The following PRDM15 variants were observed in gnomAD, a reference collection of about 807,000 sequenced individuals.
The protein encoded by PRDM15 is PR domain zinc finger protein 15.
PRDM15 carries 64 observed loss-of-function variants against 128.6 expected under a neutral mutation model. The ratio of observed to expected loss-of-function variants is 0.50; its 90% CI spans 0.41 to 0.61. The LOEUF (loss-of-function observed/expected upper bound fraction) is 0.61. Among genes scored for constraint, PRDM15 ranks in the 20% least tolerant of loss-of-function variants. The pLI, the probability that PRDM15 is intolerant of heterozygous loss-of-function variation, is 0.00. For synonymous variants in PRDM15, 615 were observed against 621.8 expected (o/e 0.99, Z 0.16); for missense variants, 1,242 against 1,569.1 (o/e 0.79, Z 3.52).
chr21:41,871,822 G>A, intron 1 of PRDM15: 1 of 556,444 alleles, frequency 1.8e-6, no homozygotes, highest in Admixed American at 3.3e-5. Context: ...CTCAGGACGT[G>A]CAGACACAGG....
chr21:41,814,686 C>A (rs1416022488), intron 19 of PRDM15: 19 of 123,542 alleles, frequency 1.5e-4, no homozygotes, highest in African/African-American at 5.8e-4. Flanking sequence ...TATGAGAATG[C>A]CTTGTGTTAG....
chr21:41,809,773 T>A (rs775875401), intron 21 of PRDM15, among the ~76,000 whole-genome samples: 28 of 152,202 alleles, frequency 1.8e-4, no homozygotes, highest in Admixed American at 7.9e-4. Flanking sequence ...TGCCTGCGTC[T>A]GTACAACTTC....
chr21:41,825,440 A>G (rs867566190), intron 13 of PRDM15, among the ~76,000 whole-genome samples: 3 of 152,232 alleles, frequency 2.0e-5, no homozygotes, highest in African/African-American at 7.2e-5. Flanking sequence ...GCTCCCATGG[A>G]TGACATCACC....
In PRDM15 at chr21:41,879,045, C is replaced by T. The variant is rs1251938922; in HGVS notation, c.-10+225G>A. 7.1e-6 allele frequency: 8 copies of T among 1,123,328 alleles called. No individual in the cohort carries two copies. The highest frequency in any genetic ancestry group is 8.9e-6 in the Non-Finnish European group (8 of 894,678). The allele number at this position is 1,123,328 out of a possible 1,614,324, so 69.6% of individuals were successfully genotyped here. On this transcript the variant is annotated intron_variant, in intron 1 of 23. Transcript: ENST00000398548. The surrounding 1 kb of genome is among the most constrained non-coding windows in gnomAD (Gnocchi z 5.1). ...CGATCCCGGAGCGGCTCCGGGAAAT[C>T]CAGCCGGGTTTTGACTCCGATCGCC...
At position 41,860,353 on chromosome 21, in the gene PRDM15, T is replaced by C. The variant is rs779300680; in HGVS notation, c.11A>G (p.Asp4Gly). Residue 4 changes from aspartate to glycine, a missense_variant, in exon 2 of 24, where the codon GAT (aspartate) becomes GGT (glycine). This residue lies in a region of PRDM15 where 612 missense variants were observed against 717.0 expected (regional missense o/e 0.85). Coordinates refer to ENST00000398548, the MANE Select transcript of PRDM15 (RefSeq NM_001040424.3). MAE[D>G]GSEEIMFIWC... is the part of the protein sequence containing the mutation. ...GATGAACATGATCTCTTCGCTCCCA[T>C]CTTCAGCCATCTCTGACACCTGTCA... The C allele has an allele frequency of 6.2e-7, 1 of 1,613,982 alleles. No homozygotes were observed. The highest frequency in any genetic ancestry group is 8.5e-7 in the Non-Finnish European group (1 of 1,179,854).
intron 4 of PRDM15, among the ~76,000 whole-genome samples, chr21:41,855,054 G>A (rs752111144): frequency 2.1e-4 from 32 of 152,210 alleles, no homozygotes; most frequent in Non-Finnish European, 3.8e-4. Flanking sequence ...GACACAGCCA[G>A]CGGTCTATGT....
intron 11 of PRDM15, among the ~76,000 whole-genome samples, chr21:41,833,405 G>C (rs145919296): frequency 6.6e-6 from 1 of 152,240 alleles, no homozygotes; most frequent in Non-Finnish European, 1.5e-5. Flanking sequence ...TCTGTGCCCC[G>C]CTGGGGACCC....
intron 11 of PRDM15, chr21:41,834,536 C>T (rs951114682): frequency 6.5e-7 from 1 of 1,548,150 alleles, no homozygotes. Context: ...TGCCGCCGGG[C>T]CCCCCCTCTC....
rs1601730268 is a variant in PRDM15, at chr21:41,804,548, T to C, written c.2719A>G (p.Ile907Val). 1.9e-6 allele frequency: 3 copies of C among 1,568,626 alleles called. No individual in the cohort carries two copies. The highest frequency in any genetic ancestry group is 1.3e-5 in the African/African-American group (1 of 74,330). Residue 907 changes from isoleucine to valine, a missense_variant, in exon 22 of 24, where the codon ATT becomes GTT. Ile to Val is a conservative substitution (Grantham distance 29). Coordinates refer to ENST00000398548, the MANE Select transcript of PRDM15 (RefSeq NM_001040424.3). ...PETTTIDASS[I>V]GIVQPELTLE... is the part of the protein sequence containing the mutation. ...ATGCTGCTCACCTGGACGATGCCAA[T>C]GGAGGAGGCGTCGATGGTGGTGGTC...
intron 1 of PRDM15, among the ~76,000 whole-genome samples, chr21:41,877,036 C>A (rs1473083473): frequency 6.6e-6 from 1 of 152,154 alleles, no homozygotes; most frequent in Non-Finnish European, 1.5e-5. Context: ...CATGGCCACA[C>A]TGGCCTGTCC....
At position 41,850,672 on chromosome 21, in the gene PRDM15, C is replaced by T. The variant is rs2063401269; in HGVS notation, c.539-3481G>A. On this transcript the variant is annotated intron_variant, in intron 5 of 23. Coordinates refer to ENST00000398548, the MANE Select transcript of PRDM15 (RefSeq NM_001040424.3). ...TCACTTGAGCCCACGAGGGCGGCTG[C>T]AGTGAGCCACGATCATGCCACTGCA... Among the ~76,000 whole-genome samples the T allele has an allele frequency of 2.6e-5, 4 of 152,100 alleles. No individual in the cohort carries two copies. In the South Asian group the frequency reaches 8.3e-4, roughly 32 times the overall value.
At chr21:41,813,037 C>T (rs1017266525) in intron 19 of PRDM15, 2 of 152,410 alleles carry the variant, frequency 1.3e-5, no homozygotes, top group African/African-American at 2.4e-5. Flanking sequence ...CATCAGCTCA[C>T]GTCTGGGGGG....
chr21:41,806,060 T>TCACCACCACCAC (rs1568880224), intron 21 of PRDM15, among the ~76,000 whole-genome samples: 1 of 11,320 alleles, frequency 8.8e-5, no homozygotes, highest in East Asian at 2.3e-3. Context: ...ACCACCACCA[T>TCACCACCACCAC]CACCATCACC....
chr21:41,822,963 A>AGGT (rs1568926075), intron 14 of PRDM15, among the ~76,000 whole-genome samples: 1 of 148,184 alleles, frequency 6.7e-6, no homozygotes, highest in Non-Finnish European at 1.5e-5. Context: ...TGAACCCAGG[A>AGGT]GGTGGAGGAT....
At chr21:41,825,897 G>T in intron 13 of PRDM15, 63 bp downstream of exon 13, 1 of 1,260,978 alleles carries the variant, frequency 7.9e-7, no homozygotes, top group Non-Finnish European at 1.2e-6. Flanking sequence ...AGCTCATAGA[G>T]TCTTAACTGA....
intron 16 of PRDM15, among the ~76,000 whole-genome samples, 164 bp from the exon 17 acceptor site, chr21:41,820,338 C>T (rs1369591118): frequency 1.3e-5 from 2 of 152,200 alleles, no homozygotes; most frequent in South Asian, 2.1e-4. Context: ...CAATCGTAAC[C>T]CCCCGAATTC....
chr21:41,858,089 T>C (rs984715408), intron 3 of PRDM15, among the ~76,000 whole-genome samples: 1 of 152,110 alleles, frequency 6.6e-6, no homozygotes, highest in African/African-American at 2.4e-5. Flanking sequence ...TGAGGAGCCA[T>C]ATGAAGAGCA....
Position 41,802,748 on chromosome 21 carries a change from G to T in PRDM15, c.2907C>A (p.Gly969=), listed in dbSNP as rs374593622. 1.2e-6 allele frequency: 2 copies of T among 1,614,004 alleles called. No individual in the cohort carries two copies. The highest frequency in any genetic ancestry group is 1.7e-6 in the Non-Finnish European group (2 of 1,180,030). ...TCTGTACTGCGGAATTGGTCTCGTC[G>T]CCTACACTGCCTGTGAACTCCGTCT... ...EKETEFTGSV[G]DETNSAVQSI... is the part of the protein sequence containing the mutation. Residue 969 remains glycine, a synonymous_variant, in exon 23 of 24, where the codon GGC becomes GGA. Transcript: ENST00000398548.
At chr21:41,827,562 G>A (rs968046958) in intron 12 of PRDM15, among the ~76,000 whole-genome samples, 26 of 152,216 alleles carry the variant, frequency 1.7e-4, no homozygotes, top group African/African-American at 6.3e-4. Context: ...GGCTGGTCCC[G>A]AACTGCTGGC....
Sources: gnomAD v4.1 joint callset for allele counts (sites outside exome capture counted in the v4.1 genomes callset) on GRCh38, gnomAD v4.1.1 for gene constraint, gnomAD v4.1.1 regional missense constraint, Gnocchi (gnomAD v3.1) non-coding constraint, MANE v1.5 for transcripts, NCBI Gene and HGNC (gene_info 2026-07-23, HGNC 2026-07-21) for gene names.